Variants in PPM1L observed in about 807,000 individuals in gnomAD.
PPM1L encodes the protein protein phosphatase 1L.
Under a neutral mutation model 31.4 loss-of-function variants are expected in PPM1L, and 13 were observed. The ratio of observed to expected loss-of-function variants is 0.41; its 90% CI spans 0.27 to 0.66. The LOEUF (loss-of-function observed/expected upper bound fraction) is 0.66, where lower values mean the gene tolerates loss of function less well. Ranked by LOEUF, PPM1L falls within the 30% of genes least tolerant of loss-of-function variation. The pLI is 0.29. For synonymous variants in PPM1L, 184 were observed against 175.4 expected (o/e 1.05, Z -0.39); for missense variants, 326 against 453.7 (o/e 0.72, Z 2.56).
intron 2 of PPM1L, among the ~76,000 whole-genome samples, chr3:161,042,020 AC>A (rs1362664480): frequency 3.9e-5 from 6 of 152,080 alleles, no homozygotes. Context: ...CCCCACCACC[AC>A]ACATACATAT....
At chr3:160,796,259 A>G (rs1712245776) in intron 1 of PPM1L, among the ~76,000 whole-genome samples, 1 of 152,208 alleles carries the variant, frequency 6.6e-6, no homozygotes, top group Non-Finnish European at 1.5e-5. Context: ...TTGCATATTT[A>G]TAGCTCTCTT....
chr3:160,889,935 T>G (rs1283251620), intron 1 of PPM1L, among the ~76,000 whole-genome samples: 1 of 152,178 alleles, frequency 6.6e-6, no homozygotes, highest in Admixed American at 6.5e-5. Flanking sequence ...GAAAAGGCCT[T>G]GATAAAATTC....
At chr3:160,782,027 C>A (rs1278436184) in intron 1 of PPM1L, among the ~76,000 whole-genome samples, 1 of 152,098 alleles carries the variant, frequency 6.6e-6, no homozygotes, top group African/African-American at 2.4e-5. Flanking sequence ...TAAAATTCAC[C>A]ACTTTAAAGT....
chr3:161,033,023 T>C (rs1718627204), intron 2 of PPM1L, among the ~76,000 whole-genome samples: 1 of 151,606 alleles, frequency 6.6e-6, no homozygotes, highest in Non-Finnish European at 1.5e-5. Flanking sequence ...TATTGGGTGT[T>C]AAGGGATGGG....
intron 1 of PPM1L, among the ~76,000 whole-genome samples, chr3:160,871,577 A>G (rs768503165): frequency 2.0e-5 from 3 of 152,368 alleles, no homozygotes; most frequent in South Asian, 4.1e-4. Flanking sequence ...TAATTCTACC[A>G]TCTTCGTCTG....
intron 1 of PPM1L, among the ~76,000 whole-genome samples, chr3:160,797,901 C>T (rs111812393): frequency 0.028 from 4,319 of 152,176 alleles, 93 homozygotes; most frequent in Non-Finnish European, 0.043. Flanking sequence ...CAAGGTGGGC[C>T]GGGCACAGTG....
chr3:160,840,320 TC>T (rs1713833647), intron 1 of PPM1L, among the ~76,000 whole-genome samples: 1 of 152,126 alleles, frequency 6.6e-6, no homozygotes, highest in Admixed American at 6.6e-5. Context: ...GCATTGGGTT[TC>T]ATAAGACCTA....
At chr3:160,762,928 G>GT (rs1364917632) in intron 1 of PPM1L, among the ~76,000 whole-genome samples, 9 of 151,908 alleles carry the variant, frequency 5.9e-5, no homozygotes, top group East Asian at 1.9e-4. Flanking sequence ...TAAATTAACT[G>GT]TTTTTTTAAT....
chr3:160,823,067 C>G (rs1193567552), intron 1 of PPM1L, among the ~76,000 whole-genome samples: 2 of 151,834 alleles, frequency 1.3e-5, no homozygotes, highest in African/African-American at 4.8e-5. Context: ...TCTGTTATCT[C>G]AAGAGGAAAA....
Position 160,756,495 on chromosome 3 carries a change from G to T in PPM1L, c.187G>T (p.Val63Leu), listed in dbSNP as rs1329384326. ...CGCCGTGAAGATGGTGAAGGGCAAG[G>T]TAGCCGAGATCATGCAGAACGATCG... is the stretch of plus-strand genomic sequence containing the variant. ...RDAVKMVKGK[V>L]AEIMQNDRLG... Residue 63 changes from valine (V) to leucine (L), a missense_variant, in exon 1 of 4, where the codon GTA becomes TTA. By Grantham distance (32) the Val-to-Leu change is conservative. Around this residue, in one of 3 missense-constraint regions of PPM1L, gnomAD observed 83 missense variants for 79.4 expected, o/e 1.04. Coordinates refer to ENST00000498165, the MANE Select transcript of PPM1L (RefSeq NM_139245.4). This position sits in a 1 kb window ranked among gnomAD's most constrained non-coding sequence, Gnocchi z 6.2. 2 of 1,614,180 alleles carry T rather than the reference G, an allele frequency of 1.2e-6. No individual in the cohort carries two copies. Among genetic ancestry groups the T allele is most frequent in the Non-Finnish European group, 1.7e-6 (2 of 1,180,034 alleles).
At chr3:160,843,874 A>C (rs1262423681) in intron 1 of PPM1L, among the ~76,000 whole-genome samples, 1 of 152,224 alleles carries the variant, frequency 6.6e-6, no homozygotes, top group African/African-American at 2.4e-5. Context: ...AAGACTTGGA[A>C]CTAACCCAAA....
chr3:161,048,268 A>C (rs537001842), intron 2 of PPM1L, among the ~76,000 whole-genome samples: 7 of 152,366 alleles, frequency 4.6e-5, no homozygotes, highest in South Asian at 2.1e-4. Flanking sequence ...AAGTGGGTGA[A>C]AGATATGAAC....
At chr3:160,941,045 G>A (rs1034603890) in intron 1 of PPM1L, among the ~76,000 whole-genome samples, 6 of 152,128 alleles carry the variant, frequency 3.9e-5, no homozygotes, top group Admixed American at 2.0e-4. Context: ...GTCAAAGATC[G>A]TTTTGGAGCT....
intron 1 of PPM1L, among the ~76,000 whole-genome samples, chr3:160,805,559 T>A (rs1317970947): frequency 2.6e-5 from 4 of 152,006 alleles, no homozygotes; most frequent in African/African-American, 9.7e-5. Flanking sequence ...CTGTCTCTGC[T>A]AAAAATACAA....
intron 1 of PPM1L, among the ~76,000 whole-genome samples, chr3:160,824,948 A>G (rs1713311492): frequency 1.3e-5 from 2 of 152,144 alleles, no homozygotes; most frequent in East Asian, 3.9e-4. Flanking sequence ...AGGGATTTCT[A>G]AATATTCATA....
chr3:160,922,262 A>T (rs1446524580), intron 1 of PPM1L, among the ~76,000 whole-genome samples: 1 of 151,806 alleles, frequency 6.6e-6, no homozygotes, highest in Non-Finnish European at 1.5e-5. Flanking sequence ...GTGAGCCGAG[A>T]TCACACCACT....
intron 1 of PPM1L, among the ~76,000 whole-genome samples, chr3:160,767,013 T>C (rs923705040): frequency 6.6e-6 from 1 of 152,150 alleles, no homozygotes; most frequent in African/African-American, 2.4e-5. Context: ...TGGAGAGACA[T>C]TATTTTCTAA....
At chr3:160,757,850 G>A (rs1389296938) in intron 1 of PPM1L, among the ~76,000 whole-genome samples, 4 of 152,170 alleles carry the variant, frequency 2.6e-5, no homozygotes, top group Non-Finnish European at 5.9e-5. Context: ...CTCTGGGTAG[G>A]CTGTAGGGAA....
intron 2 of PPM1L, among the ~76,000 whole-genome samples, chr3:161,063,386 G>T (rs1007177091): frequency 1.3e-5 from 2 of 152,048 alleles, no homozygotes; most frequent in African/African-American, 4.8e-5. Context: ...AACATTTCAT[G>T]TGTTTCCATA....
Sources: gnomAD v4.1 joint callset for allele counts (sites outside exome capture counted in the v4.1 genomes callset) on GRCh38, gnomAD v4.1.1 for gene constraint, gnomAD v4.1.1 regional missense constraint, Gnocchi (gnomAD v3.1) non-coding constraint, MANE v1.5 for transcripts, NCBI Gene and HGNC (gene_info 2026-07-23, HGNC 2026-07-21) for gene names.